CFAP45: variants seen among roughly 807,000 people sequenced by gnomAD.
CFAP45 encodes the protein cilia- and flagella-associated protein 45.
CFAP45 carries 43 observed loss-of-function variants against 75.6 expected under a neutral mutation model. The ratio of observed to expected loss-of-function variants is 0.57; its 90% CI spans 0.45 to 0.73. The LOEUF is 0.73. Among genes scored for constraint, CFAP45 ranks in the 30% least tolerant of loss-of-function variants. CFAP45 has a pLI of 0.00. For synonymous variants in CFAP45, 223 were observed against 244.6 expected (o/e 0.91, Z 0.82); for missense variants, 689 against 701.5 (o/e 0.98, Z 0.20).
At chr1:159,875,430 G>A (rs1488860402) in intron 10 of CFAP45, among the ~76,000 whole-genome samples, 1 of 152,122 alleles carries the variant, frequency 6.6e-6, no homozygotes, top group African/African-American at 2.4e-5. Flanking sequence ...TCATGGCAGG[G>A]GGGACATGCT....
Position 159,887,890 on chromosome 1 carries a change from G to T in CFAP45, c.539C>A (p.Ala180Asp), listed in dbSNP as rs1431007581. The T allele has an allele frequency of 6.2e-7, 1 of 1,614,042 alleles. No homozygotes were observed. Among genetic ancestry groups the T allele is most frequent in the African/African-American group, 1.3e-5 (1 of 74,932 alleles). Residue 180 changes from alanine (A) to aspartate (D), a missense_variant, in exon 5 of 12, where the codon GCC becomes GAC. Physicochemically the swap from Ala to Asp is moderately radical, Grantham distance 126. Transcript: ENST00000368099. The stretch of plus-strand genomic sequence containing the variant: ...CTCCTGCTCCATCCGCAGCTTGTTG[G>T]CTCTCTGCAGGAGGTTCTGGGCCCG... Reference protein sequence around the residue: ...KERAQNLLQRANKLRMEQEEE... With the variant: ...KERAQNLLQRDNKLRMEQEEE...
At chr1:159,893,646 C>T (rs886824988) in intron 1 of CFAP45, among the ~76,000 whole-genome samples, 2 of 152,034 alleles carry the variant, frequency 1.3e-5, no homozygotes, top group African/African-American at 4.8e-5. Context: ...TCAGTGAGTG[C>T]GCAGTTACAG....
intron 8 of CFAP45, among the ~76,000 whole-genome samples, chr1:159,877,875 AAAAT>A (rs56408622): frequency 9.2e-4 from 137 of 149,080 alleles, no homozygotes; most frequent in Middle Eastern, 3.4e-3. Flanking sequence ...ACCTTGTCTC[AAAAT>A]AAATAAATAA....
At position 159,890,478 on chromosome 1, in the gene CFAP45, A is replaced by T. The variant is rs1453242113; in HGVS notation, c.272+2T>A. The T allele has an allele frequency of 1.2e-6, 2 of 1,614,148 alleles. No individual in the cohort carries two copies. Among genetic ancestry groups the T allele is most frequent in the Non-Finnish European group, 1.7e-6 (2 of 1,179,976 alleles). The stretch of plus-strand genomic sequence containing the variant: ...TAGAAGGGCAGGGGACGGTGTACTC[A>T]CATGAGTTCTCGGACCATGTCCCGG... On this transcript the variant is annotated splice_donor_variant, in intron 3 of 11. Transcript: ENST00000368099. LOFTEE classifies it high-confidence loss of function.
chr1:159,898,318 A>G (rs1649997875), intron 1 of CFAP45: 1 of 640,760 alleles, frequency 1.6e-6, no homozygotes, highest in Admixed American at 6.3e-5. Flanking sequence ...TGAGGTCCCC[A>G]TCTCTCCTTC....
chr1:159,890,842 G>A (rs907016972), intron 2 of CFAP45, among the ~76,000 whole-genome samples: 4 of 131,144 alleles, frequency 3.1e-5, no homozygotes, highest in African/African-American at 1.1e-4. Context: ...CACTACAACC[G>A]CCACCTCCCG....
Position 159,895,789 on chromosome 1 carries a change from G to A in CFAP45, c.4-2484C>T, listed in dbSNP as rs137987167. ...GAGGAAATGAATAGAAACTTCAGTA[G>A]GTGGGATTGAGGCTAAGCATTGGGA... On this transcript the variant is annotated intron_variant, in intron 1 of 11. Coordinates refer to ENST00000368099, the MANE Select transcript of CFAP45 (RefSeq NM_012337.3). Among the ~76,000 whole-genome samples the A allele has an allele frequency of 6.7e-3, 1,027 of 152,360 alleles. 17 individuals carry two copies. Among genetic ancestry groups the A allele is most frequent in the African/African-American group, 0.024 (983 of 41,590 alleles).
chr1:159,880,760 A>T, intron 7 of CFAP45, 60 bp from the exon 8 acceptor site: 1 of 1,546,714 alleles, frequency 6.5e-7, no homozygotes, highest in South Asian at 1.1e-5. Flanking sequence ...AGCCACTGGC[A>T]TCCAGGGATA....
intron 3 of CFAP45, among the ~76,000 whole-genome samples, chr1:159,889,830 G>A (rs1052926576): frequency 3.3e-5 from 5 of 152,206 alleles, no homozygotes; most frequent in African/African-American, 1.2e-4. Flanking sequence ...TTAGTGGGTG[G>A]AGCCAGGGCA....
rs1649422689 is a variant in CFAP45, at chr1:159,877,169, A to AGGG, written c.1158+179_1158+180insCCC. On this transcript the variant is annotated intron_variant, in intron 9 of 11. Coordinates refer to ENST00000368099, the MANE Select transcript of CFAP45 (RefSeq NM_012337.3). ...ACCTTAAGCACAGGCTGCACTGCCC[A>AGGG]ATCCCTGCTGACACAGGCCCTGGGA... 7.2e-5 allele frequency among the ~76,000 whole-genome samples: 11 copies of AGGG among 152,226 alleles called. No individual in the cohort carries two copies. In the South Asian group the frequency reaches 2.3e-3, roughly 32 times the overall value.
At chr1:159,876,510 G>T (rs1479280509) in intron 10 of CFAP45, 46 bp downstream of exon 10, 2 of 1,372,548 alleles carry the variant, frequency 1.5e-6, no homozygotes, top group Non-Finnish European at 2.1e-6. Flanking sequence ...GACCATCCCT[G>T]CTACAGTACA....
chr1:159,877,499 T>C (rs1571179497), intron 8 of CFAP45, 37 bp from the exon 9 acceptor site: 1 of 1,419,318 alleles, frequency 7.0e-7, no homozygotes, highest in Non-Finnish European at 1.0e-6. Context: ...TAGTTGCCAT[T>C]GCCCCAGCCT....
chr1:159,890,512 C>G lies in CFAP45; in HGVS notation c.240G>C (p.Gln80His). The G allele has an allele frequency of 6.2e-7, 1 of 1,614,120 alleles. No individual in the cohort carries two copies. Among genetic ancestry groups the G allele is most frequent in the Non-Finnish European group, 8.5e-7 (1 of 1,180,016 alleles). Residue 80 changes from glutamine (Q) to histidine (H), a missense_variant, in exon 3 of 12, where the codon CAG becomes CAC. By Grantham distance (24) the Gln-to-His change is conservative. Transcript: ENST00000368099. ...LGLDRKPETI[Q>H]LITRDMVREL... ...CTCGGACCATGTCCCGGGTGATGAGCTGGATGGTCTCTGGCTTGCGATCCA... is the reference window on the plus strand; with the variant it reads ...CTCGGACCATGTCCCGGGTGATGAGGTGGATGGTCTCTGGCTTGCGATCCA...
In CFAP45 at chr1:159,885,590, A is replaced by G. The variant is rs140840226; in HGVS notation, c.767+921T>C. Among the ~76,000 whole-genome samples, 373 of 152,328 alleles carry G rather than the reference A, an allele frequency of 2.4e-3. 2 individuals are homozygous for G. Among genetic ancestry groups the G allele is most frequent in the South Asian group, 4.8e-3 (23 of 4,830 alleles). ...ACTTGTCCTTTTCTGCACAAAATGA[A>G]GGGGAGACTGAATTTATTCATCCCA... On this transcript the variant is annotated intron_variant, in intron 6 of 11. Coordinates refer to ENST00000368099, the MANE Select transcript of CFAP45 (RefSeq NM_012337.3).
rs748727893 is a variant in CFAP45 at position 159,893,216 on chromosome 1, G to C, written c.93C>G (p.Ser31Arg). The part of the protein sequence containing the change: ...NKARYRTKAV[S>R]SEVDESLFGD... ...CAAAGAGGCTCTCATCCACCTCAGA[G>C]CTCACGGCTTTGGTCCGATAGCGAG... Residue 31 changes from serine to arginine, a missense_variant, in exon 2 of 12, where the codon AGC (serine) becomes AGG (arginine). Transcript: ENST00000368099. The C allele has an allele frequency of 1.1e-5, 18 of 1,613,984 alleles. No individual in the cohort carries two copies. In the African/African-American group the frequency reaches 2.0e-4, roughly 18 times the overall value.
chr1:159,890,072 G>T (rs1008521812), intron 3 of CFAP45, among the ~76,000 whole-genome samples: 1 of 152,206 alleles, frequency 6.6e-6, no homozygotes, highest in Non-Finnish European at 1.5e-5. Flanking sequence ...GGCTAATTAG[G>T]CATCTGGTCA....
chr1:159,880,714 A>G lies in CFAP45; in HGVS notation c.898-14T>C. On this transcript the variant is annotated splice_polypyrimidine_tract_variant and intron_variant, in intron 7 of 11. Transcript: ENST00000368099. ...TCGTTCCATGTCCTGCCAGCAAAAG[A>G]AAGAGAGCCTCAGAGTACAAAGAGG... 3 of 1,613,526 alleles carry G rather than the reference A, an allele frequency of 1.9e-6. No individual in the cohort carries two copies. Among genetic ancestry groups the G allele is most frequent in the South Asian group, 1.1e-5 (1 of 90,980 alleles).
intron 2 of CFAP45, among the ~76,000 whole-genome samples, chr1:159,892,902 C>A (rs1649861591): frequency 6.6e-6 from 1 of 152,222 alleles, no homozygotes; most frequent in Non-Finnish European, 1.5e-5. Flanking sequence ...GCAACTATTG[C>A]ACTCTCTGCA....
In CFAP45 at chr1:159,876,562, A is replaced by G; in HGVS notation, c.1346T>C (p.Ile449Thr). 6.2e-7 allele frequency: 1 copy of G among 1,612,570 alleles called. No homozygotes were observed. The highest frequency in any genetic ancestry group is 8.5e-7 in the Non-Finnish European group (1 of 1,178,602). ...VQRDRDEFER[I>T]LRAQREQIEK... ...GTTCCCAGGCCCCTCCTACCGAAGA[A>G]TCCTCTCGAACTCATCCCGGTCCCG... is the stretch of plus-strand genomic sequence containing the variant. Residue 449 changes from isoleucine (I) to threonine (T), a missense_variant, in exon 10 of 12, where the codon ATT becomes ACT. Ile to Thr is a moderately conservative substitution (Grantham distance 89). Coordinates refer to ENST00000368099, the MANE Select transcript of CFAP45 (RefSeq NM_012337.3).
Sources: allele counts gnomAD v4.1 joint callset (sites outside exome capture counted in the v4.1 genomes callset), GRCh38; gene constraint gnomAD v4.1.1; transcripts MANE v1.5; gene names NCBI Gene and HGNC (gene_info 2026-07-23, HGNC 2026-07-21).